The following SPATA25 variants were observed in gnomAD, a reference collection of about 807,000 sequenced individuals.
SPATA25 encodes the protein spermatogenesis-associated protein 25.
Under a neutral mutation model 16.0 loss-of-function variants are expected in SPATA25, and 16 were observed. The observed-to-expected ratio is 1.00, with a 90% CI of 0.68 to 1.52. The LOEUF (loss-of-function observed/expected upper bound fraction) is 1.52. Ranked by LOEUF, SPATA25 falls within the 40% of genes most tolerant of loss-of-function variation. The pLI is 0.00. For missense variants in SPATA25, 285 were observed against 289.2 expected, an observed-to-expected ratio of 0.99 and a Z score of 0.11; for synonymous variants, 115 against 118.5, an observed-to-expected ratio of 0.97 and a Z score of 0.19.
upstream of SPATA25, among the ~76,000 whole-genome samples, chr20:45,889,144 C>T (rs1020355045): frequency 2.0e-5 from 3 of 152,130 alleles, no homozygotes; most frequent in African/African-American, 7.2e-5. Context: ...GTCTGATTTG[C>T]CTGTGCAACT....
At chr20:45,887,401 GCTTTT>G in intron 1 of SPATA25, 130 bp downstream of exon 1, 1 of 895,798 alleles carries the variant, frequency 1.1e-6, no homozygotes, top group South Asian at 1.8e-5. Context: ...GTTTGGAATG[GCTTTT>G]CTTCTAAAAG....
intron 1 of SPATA25, 96 bp downstream of exon 1, chr20:45,887,440 A>T: frequency 8.1e-7 from 1 of 1,242,036 alleles, no homozygotes; most frequent in Non-Finnish European, 1.1e-6. Context: ...GCCAGCCCCC[A>T]AATGCCCAGC....
upstream of SPATA25, chr20:45,890,635 G>C (rs6032577): frequency 2.2e-5 from 35 of 1,613,258 alleles, 1 homozygote; most frequent in African/African-American, 4.7e-4. Flanking sequence ...GCACGCGGTT[G>C]TGGTGGCGCG....
rs896329548 is a variant in SPATA25 at position 45,887,291 on chromosome 20, A to G, written c.56-146T>C. 14 of 1,005,558 alleles carry G rather than the reference A, an allele frequency of 1.4e-5. No homozygotes were observed. The Admixed American group carries it at 2.3e-4, about 16-fold the overall frequency. The allele number at this position is 1,005,558 out of a possible 1,614,324, so 62.3% of individuals were successfully genotyped here. On this transcript the variant is annotated intron_variant, in intron 1 of 1. Coordinates refer to ENST00000372519, the MANE Select transcript of SPATA25 (RefSeq NM_080608.4). ...AGAGGTTGGGAACTAGGTGTTACTC[A>G]TATCCACACTCCCAGTCCCCAACAC...
chr20:45,887,243 A>G, intron 1 of SPATA25, 98 bp from the exon 2 acceptor site: 1 of 1,419,588 alleles, frequency 7.0e-7, no homozygotes, highest in Non-Finnish European at 9.4e-7. Flanking sequence ...GGCGTAACTA[A>G]GACCAGCCCC....
chr20:45,888,624 C>A (rs1220275951), upstream of SPATA25: 4 of 813,032 alleles, frequency 4.9e-6, no homozygotes, highest in African/African-American at 6.9e-5. Flanking sequence ...GCAAGGAGAC[C>A]TTCCAGTGAT....
chr20:45,889,359 T>TTC (rs1035863674), upstream of SPATA25, among the ~76,000 whole-genome samples: 5 of 111,892 alleles, frequency 4.5e-5, no homozygotes, highest in African/African-American at 2.3e-4. Flanking sequence ...TTTTCTTTCT[T>TTC]TTTTTTTTTT....
Position 45,886,814 on chromosome 20 carries a change from C to T in SPATA25, c.387G>A (p.Gly129=). Reference sequence around the variant, plus strand: ...GTACCGGTAGAACCCGTGGTGACAGCCCACACAGCATCAGGGGCCTAGGCC... The same window carrying T: ...GTACCGGTAGAACCCGTGGTGACAGTCCACACAGCATCAGGGGCCTAGGCC... ...PSRPRPLMLC[G]LSPRVLPVPS... Residue 129 remains glycine (G), a synonymous_variant, in exon 2 of 2, where the codon GGG becomes GGA. Coordinates refer to ENST00000372519, the MANE Select transcript of SPATA25 (RefSeq NM_080608.4). 2 of 1,613,874 alleles carry T rather than the reference C, an allele frequency of 1.2e-6. No homozygotes were observed. The highest frequency in any genetic ancestry group is 1.7e-6 in the Non-Finnish European group (2 of 1,180,052).
At chr20:45,890,102 T>C (rs377454767), upstream of SPATA25, 25 of 822,706 alleles carry the variant, frequency 3.0e-5, no homozygotes, top group African/African-American at 4.2e-4. Flanking sequence ...TTGTGCAAGA[T>C]CACAAGCAGA....
chr20:45,887,516 T>C lies in SPATA25; in HGVS notation c.55+20A>G. On this transcript the variant is annotated intron_variant, in intron 1 of 1. Coordinates refer to ENST00000372519, the MANE Select transcript of SPATA25 (RefSeq NM_080608.4). ...GGGAAGCTGCCGCACTCCCTCCAAT[T>C]GCAGGTGCCCCCCGCTCACCTTGGC... 1 of 1,610,714 alleles carries C rather than the reference T, an allele frequency of 6.2e-7. No individual in the cohort carries two copies. The highest frequency in any genetic ancestry group is 8.5e-7 in the Non-Finnish European group (1 of 1,178,064).
chr20:45,890,487 T>G (rs1383522896), upstream of SPATA25: 5 of 1,598,226 alleles, frequency 3.1e-6, no homozygotes, highest in Admixed American at 1.7e-5. Context: ...AAGAGATGGC[T>G]GTAGAGCCCT....
upstream of SPATA25, chr20:45,890,609 G>A: frequency 1.9e-6 from 3 of 1,612,730 alleles, no homozygotes; most frequent in Non-Finnish European, 2.5e-6. Flanking sequence ...CTCCGCCTCC[G>A]GGCGGCCCTC....
upstream of SPATA25, among the ~76,000 whole-genome samples, chr20:45,889,955 C>T (rs534966730): frequency 6.6e-6 from 1 of 152,268 alleles, no homozygotes; most frequent in African/African-American, 2.4e-5. Flanking sequence ...CTCAAAGAGG[C>T]CCCTAATATC....
In SPATA25 at chr20:45,886,623, C is replaced by T. The variant is rs1408347704; in HGVS notation, c.578G>A (p.Gly193Asp). 2 of 1,614,066 alleles carry T rather than the reference C, an allele frequency of 1.2e-6. No individual in the cohort carries two copies. Among genetic ancestry groups the T allele is most frequent in the Admixed American group, 1.7e-5 (1 of 60,030 alleles). Reference sequence around the variant, plus strand: ...CTCCCACCGCGCCCCCTCCACAGCACCCTCTGGCTCCGGATGGGCCATCAT... The same window carrying T: ...CTCCCACCGCGCCCCCTCCACAGCATCCTCTGGCTCCGGATGGGCCATCAT... ...AFMMAHPEPE[G>D]AVEGARWEQA... The change falls in exon 2 of 2, where the codon GGT becomes GAT. Residue 193 changes from glycine (G) to aspartate (D), a missense_variant. Gly to Asp is a moderately conservative substitution (Grantham distance 94). Transcript: ENST00000372519.
chr20:45,886,511 A>T lies in SPATA25; in HGVS notation c.*6T>A, dbSNP rs761963465. 1 of 1,557,384 alleles carries T rather than the reference A, an allele frequency of 6.4e-7. No homozygotes were observed. Among genetic ancestry groups the T allele is most frequent in the Non-Finnish European group, 8.7e-7 (1 of 1,148,282 alleles). On this transcript the variant is annotated 3_prime_UTR_variant, in exon 2 of 2. Coordinates refer to ENST00000372519, the MANE Select transcript of SPATA25 (RefSeq NM_080608.4). ...CACCCTACATATCTGGTGCTATTTC[A>T]TCCATCTACAAGCAGGAGCCAGGAG...
upstream of SPATA25, chr20:45,887,658 C>A (rs1986537373): frequency 1.3e-6 from 2 of 1,504,460 alleles, no homozygotes; most frequent in East Asian, 4.6e-5. Context: ...CTTCACCCTT[C>A]TAGAATGTCA....
In SPATA25 at chr20:45,887,041, C is replaced by T. The variant is rs751554374; in HGVS notation, c.160G>A (p.Val54Met). 1 of 1,611,610 alleles carries T rather than the reference C, an allele frequency of 6.2e-7. No homozygotes were observed. Among genetic ancestry groups the T allele is most frequent in the South Asian group, 1.1e-5 (1 of 91,084 alleles). ...CCCCAGGCCTGGGCAGCAGGTGCCACCTGCTCAGCTTTCTGGCTCAGTGGG... is the reference window on the plus strand; with the variant it reads ...CCCCAGGCCTGGGCAGCAGGTGCCATCTGCTCAGCTTTCTGGCTCAGTGGG... ...TGPLSQKAEQ[V>M]APAAQAWGPA... Residue 54 changes from valine (V) to methionine (M), a missense_variant, in exon 2 of 2, where the codon GTG becomes ATG. Coordinates refer to ENST00000372519, the MANE Select transcript of SPATA25 (RefSeq NM_080608.4).
chr20:45,886,534 G>A lies in SPATA25; in HGVS notation c.667C>T (p.Pro223Ser). Residue 223 changes from proline (P) to serine (S), a missense_variant, in exon 2 of 2, where the codon CCT becomes TCT. Coordinates refer to ENST00000372519, the MANE Select transcript of SPATA25 (RefSeq NM_080608.4). ...TCATCCATCTACAAGCAGGAGCCAGGAGGCTGGCCCCTTTTAGATCTCACT... is the reference window on the plus strand; with the variant it reads ...TCATCCATCTACAAGCAGGAGCCAGAAGGCTGGCCCCTTTTAGATCTCACT... ...PLVRSKRGQP[P>S]GSCL 6.3e-6 allele frequency: 10 copies of A among 1,576,324 alleles called. No homozygotes were observed. The highest frequency in any genetic ancestry group is 1.1e-5 in the South Asian group (1 of 88,298).
chr20:45,886,973 C>A lies in SPATA25; in HGVS notation c.228G>T (p.Gly76=), dbSNP rs529491989. 1.9e-6 allele frequency: 3 copies of A among 1,613,870 alleles called. No homozygotes were observed. Among genetic ancestry groups the A allele is most frequent in the South Asian group, 2.2e-5 (2 of 91,084 alleles). ...CCTTCCGTAGTGTCTCCCAGCTAGT[C>A]CCCCCAGGGCAGCCCCTGGCTTGTG... ...AMPQARGCPG[G]TSWETLRKEY... Residue 76 remains glycine (G), a synonymous_variant, in exon 2 of 2, where the codon GGG becomes GGT. Coordinates refer to ENST00000372519, the MANE Select transcript of SPATA25 (RefSeq NM_080608.4).
Sources: allele counts gnomAD v4.1 joint callset (sites outside exome capture counted in the v4.1 genomes callset), GRCh38; gene constraint gnomAD v4.1.1; transcripts MANE v1.5; gene names NCBI Gene and HGNC (gene_info 2026-07-23, HGNC 2026-07-21).